FMNL3: variants seen among roughly 807,000 people sequenced by gnomAD.
The protein encoded by FMNL3 is formin-like protein 3.
A neutral mutation model predicts 119.6 loss-of-function variants in FMNL3; 57 were observed. The observed-to-expected ratio is 0.48, with a 90% CI of 0.39 to 0.59. The LOEUF is 0.59. FMNL3 is among the 20% of genes least tolerant of loss of function. The pLI is 0.00. For synonymous variants in FMNL3, 491 were observed against 507.3 expected (o/e 0.97, Z 0.43); for missense variants, 1,053 against 1,323.5 (o/e 0.80, Z 3.17).
chr12:49,654,939 G>C lies in FMNL3; in HGVS notation c.931C>G (p.Arg311Gly). The change falls in exon 10 of 26, where the codon CGG (arginine) becomes GGG (glycine). Residue 311 changes from arginine (R) to glycine (G), a missense_variant. Arg to Gly is a moderately radical substitution (Grantham distance 125). Coordinates refer to ENST00000335154, the MANE Select transcript of FMNL3 (RefSeq NM_175736.5). ...AAGTCAATATTGCTGTCCTCATTCC[G>C]GAAATACTCCATCAGCTTCTCAAAG... ...HRFEKLMEYF[R>G]NEDSNIDFMV... The C allele has an allele frequency of 1.2e-6, 2 of 1,614,034 alleles. No homozygotes were observed. Among genetic ancestry groups the C allele is most frequent in the Non-Finnish European group, 1.7e-6 (2 of 1,180,004 alleles).
intron 5 of FMNL3, 26 bp from the exon 6 acceptor site, chr12:49,658,620 G>A (rs369357040): frequency 1.9e-5 from 30 of 1,572,896 alleles, no homozygotes; most frequent in Admixed American, 5.4e-5. Context: ...ACACACATGC[G>A]CATACACAGG....
intron 4 of FMNL3, among the ~76,000 whole-genome samples, chr12:49,662,336 T>C (rs1943758812): frequency 6.6e-6 from 1 of 152,214 alleles, no homozygotes; most frequent in Non-Finnish European, 1.5e-5. Context: ...GGCCAGACCC[T>C]GGCTCAATTA....
In FMNL3 at chr12:49,663,569, A is replaced by G. The variant is rs1943800838; in HGVS notation, c.369-1520T>C. ...ACATAACTCTACCCAGAGAAGCCGCAGTTCAGATGGCAGGCATGCCTAAAA... is the reference window on the plus strand; with the variant it reads ...ACATAACTCTACCCAGAGAAGCCGCGGTTCAGATGGCAGGCATGCCTAAAA... On this transcript the variant is annotated intron_variant, in intron 4 of 25. Coordinates refer to ENST00000335154, the MANE Select transcript of FMNL3 (RefSeq NM_175736.5). Among the ~76,000 whole-genome samples, 3 of 152,362 alleles carry G rather than the reference A, an allele frequency of 2.0e-5. No homozygotes were observed. The South Asian group carries it at 6.2e-4, about 32-fold the overall frequency.
rs745524971 is a variant in FMNL3, at chr12:49,658,575, C to G, written c.472G>C (p.Glu158Gln). ...CSVMFDFEGL[E>Q]SGDDGAFDKL... ...TCAAATGCACCATCGTCACCACTTT[C>G]CAGACCCTCAAAGTCAAACCTGGAG... is the stretch of plus-strand genomic sequence containing the variant. The change falls in exon 6 of 26, where the codon GAA becomes CAA. Residue 158 changes from glutamate to glutamine, a missense_variant. Physicochemically the swap from Glu to Gln is conservative, Grantham distance 29. Coordinates refer to ENST00000335154, the MANE Select transcript of FMNL3 (RefSeq NM_175736.5). The G allele has an allele frequency of 6.2e-7, 1 of 1,610,838 alleles. No homozygotes were observed. Among genetic ancestry groups the G allele is most frequent in the South Asian group, 1.1e-5 (1 of 90,592 alleles).
intron 1 of FMNL3, among the ~76,000 whole-genome samples, chr12:49,689,360 T>C (rs1362585496): frequency 6.6e-6 from 1 of 152,228 alleles, no homozygotes; most frequent in Non-Finnish European, 1.5e-5. Context: ...AGAAAACTCA[T>C]GAATGGCCAG....
At chr12:49,697,972 T>G (rs560199339) in intron 1 of FMNL3, among the ~76,000 whole-genome samples, 2 of 152,188 alleles carry the variant, frequency 1.3e-5, no homozygotes, top group South Asian at 4.1e-4. Flanking sequence ...TGGGAAACAC[T>G]AGGAGGATCT....
intron 4 of FMNL3, among the ~76,000 whole-genome samples, chr12:49,664,140 C>T (rs939727768): frequency 3.3e-5 from 5 of 152,174 alleles, no homozygotes; most frequent in African/African-American, 9.7e-5. Context: ...CCCAGCTATT[C>T]GGAAGGCAGA....
At chr12:49,674,919 T>G (rs1177701332) in intron 1 of FMNL3, among the ~76,000 whole-genome samples, 1 of 152,236 alleles carries the variant, frequency 6.6e-6, no homozygotes, top group Non-Finnish European at 1.5e-5. Context: ...GGAAGTCAGA[T>G]GAAGGAGAGG....
intron 1 of FMNL3, among the ~76,000 whole-genome samples, chr12:49,682,818 A>C (rs1029978429): frequency 2.6e-5 from 4 of 152,170 alleles, no homozygotes; most frequent in African/African-American, 9.7e-5. Flanking sequence ...ACCAACAGCC[A>C]CCCAGGGGAT....
intron 1 of FMNL3, among the ~76,000 whole-genome samples, chr12:49,701,314 T>C (rs950190372): frequency 2.0e-5 from 3 of 152,158 alleles, no homozygotes; most frequent in African/African-American, 7.2e-5. Flanking sequence ...TAAATATTTA[T>C]TATTTTCATA....
Position 49,636,730 on chromosome 12 carries a change from G to A in FMNL3, c.*9085C>T. 1 of 1,614,248 alleles carries A rather than the reference G, an allele frequency of 6.2e-7. No homozygotes were observed. The highest frequency in any genetic ancestry group is 1.1e-5 in the South Asian group (1 of 91,092). ...CCTGTCTTTAGACATGGACAAGGAA[G>A]ATGCACTGATCTGTTTTGAGGAGCA... On this transcript the variant is annotated 3_prime_UTR_variant, in exon 26 of 26. Transcript: ENST00000335154.
chr12:49,667,829 G>A (rs749874058), intron 2 of FMNL3, among the ~76,000 whole-genome samples: 20 of 152,192 alleles, frequency 1.3e-4, no homozygotes, highest in Non-Finnish European at 2.4e-4. Context: ...CTACCAAGAT[G>A]TAAAAAGGTA....
At chr12:49,695,461 A>G (rs1205454871) in intron 1 of FMNL3, among the ~76,000 whole-genome samples, 1 of 152,248 alleles carries the variant, frequency 6.6e-6, no homozygotes, top group African/African-American at 2.4e-5. Flanking sequence ...AGCTGAGACC[A>G]TCCCCGCTTA....
chr12:49,658,371 C>G, intron 6 of FMNL3, 71 bp downstream of exon 6: 1 of 1,505,092 alleles, frequency 6.6e-7, no homozygotes. Flanking sequence ...CATGAGCACT[C>G]ACTGCTGAAC....
intron 5 of FMNL3, 72 bp downstream of exon 5, chr12:49,661,894 C>T: frequency 7.3e-7 from 1 of 1,376,286 alleles, no homozygotes; most frequent in East Asian, 2.3e-5. Context: ...TCTCACCCTT[C>T]CTTATCAAAG....
At chr12:49,689,966 T>A (rs566511365) in intron 1 of FMNL3, among the ~76,000 whole-genome samples, 1 of 152,310 alleles carries the variant, frequency 6.6e-6, no homozygotes, top group Admixed American at 6.5e-5. Flanking sequence ...CACTGCCTAT[T>A]TAGCACTCCT....
intron 2 of FMNL3, among the ~76,000 whole-genome samples, chr12:49,666,737 C>T (rs1005850286): frequency 2.0e-5 from 3 of 151,868 alleles, no homozygotes; most frequent in Non-Finnish European, 4.4e-5. Flanking sequence ...TTTGAGGCTA[C>T]AGTAAGATAT....
Position 49,656,872 on chromosome 12 carries a change from G to T in FMNL3, c.742C>A (p.Pro248Thr). Residue 248 changes from proline to threonine, a missense_variant, in exon 8 of 26, where the codon CCC becomes ACC. Pro to Thr is a conservative substitution (Grantham distance 38). Around this residue, in one of 4 missense-constraint regions of FMNL3, gnomAD observed 445 missense variants for 628.4 expected, o/e 0.71. Coordinates refer to ENST00000335154, the MANE Select transcript of FMNL3 (RefSeq NM_175736.5). ...QYGFNLVMSH[P>T]HAVNEIALSL... ...AGTGCAATCTCATTGACAGCATGGGGGTGGGACATGACCAGGTTGAATCCG... is the reference window on the plus strand; with the variant it reads ...AGTGCAATCTCATTGACAGCATGGGTGTGGGACATGACCAGGTTGAATCCG... 1 of 1,614,152 alleles carries T rather than the reference G, an allele frequency of 6.2e-7. No homozygotes were observed. Among genetic ancestry groups the T allele is most frequent in the Non-Finnish European group, 8.5e-7 (1 of 1,179,994 alleles).
chr12:49,702,282 C>T (rs1045146950), intron 1 of FMNL3, among the ~76,000 whole-genome samples: 3 of 152,140 alleles, frequency 2.0e-5, no homozygotes, highest in Non-Finnish European at 4.4e-5. Flanking sequence ...CACTGCACTC[C>T]ACCATGGGTG....
Sources: gnomAD v4.1 joint callset for allele counts (sites outside exome capture counted in the v4.1 genomes callset) on GRCh38, gnomAD v4.1.1 for gene constraint, gnomAD v4.1.1 regional missense constraint, MANE v1.5 for transcripts, NCBI Gene and HGNC (gene_info 2026-07-23, HGNC 2026-07-21) for gene names.